NUCB2: variants seen among roughly 807,000 people sequenced by gnomAD.
The protein encoded by NUCB2 is nucleobindin 2.
In NUCB2, 48 loss-of-function variants were observed where a neutral mutation model predicts 57.9. The observed-to-expected ratio is 0.83, with a 90% CI of 0.66 to 1.05. The LOEUF is 1.05. Among genes scored for constraint, NUCB2 ranks in the 50% least tolerant of loss-of-function variants. NUCB2 has a pLI of 0.00. For synonymous variants in NUCB2, 139 were observed against 152.1 expected (o/e 0.91, Z 0.64); for missense variants, 442 against 476.2 (o/e 0.93, Z 0.67).
At chr11:17,341,130 G>A (rs542347099) in intron 2 of NUCB2, among the ~76,000 whole-genome samples, 6 of 152,278 alleles carry the variant, frequency 3.9e-5, no homozygotes, top group African/African-American at 9.6e-5. Flanking sequence ...TGTTATTGGT[G>A]TATAAGAATG....
rs537976737 is a variant in NUCB2 at position 17,348,315 on chromosome 11, T to G, written n.2627-1030T>G. Among the ~76,000 whole-genome samples, 46 of 127,076 alleles carry G rather than the reference T, an allele frequency of 3.6e-4. 1 individual carries two copies. In the South Asian group the frequency reaches 0.011, roughly 31 times the overall value. 83.4% of individuals were successfully genotyped at this position (127,076 alleles called of 152,430 possible). A position where few individuals can be genotyped will look rare whatever the true frequency, so the allele number is the denominator to read the frequency against. ...AGAATGAGGTGTTTTTTGTTTGTTT[T>G]TGTGTTTTTTTTTTTTTTTTTTTTT... On this transcript the variant is annotated intron_variant and non_coding_transcript_variant, in intron 2 of 2. Coordinates refer to the NUCB2 transcript ENST00000532240.
chr11:17,322,345 G>C (rs1950135348), intron 11 of NUCB2, among the ~76,000 whole-genome samples: 1 of 152,150 alleles, frequency 6.6e-6, no homozygotes, highest in African/African-American at 2.4e-5. Flanking sequence ...TTATTGAAGA[G>C]ATTGTATTTT....
intron 11 of NUCB2, among the ~76,000 whole-genome samples, chr11:17,324,492 G>T (rs895232907): frequency 1.3e-5 from 2 of 152,038 alleles, no homozygotes; most frequent in Non-Finnish European, 2.9e-5. Flanking sequence ...AGAGGGCAGT[G>T]GCACTATGTC....
rs1948384984 is a variant in NUCB2, at chr11:17,310,867, G to A, written c.526G>A (p.Glu176Lys). ...LEHYDKTRHE[E>K]FKKYEMMKEH... Reference sequence around the variant, plus strand: ...ACACTATGACAAGACTCGTCATGAAGAATTTAAAAAATATGAAATGATGAA... The same window carrying A: ...ACACTATGACAAGACTCGTCATGAAAAATTTAAAAAATATGAAATGATGAA... Residue 176 changes from glutamate to lysine, a missense_variant, in exon 7 of 14, where the codon GAA (glutamate) becomes AAA (lysine). Coordinates refer to ENST00000529010, the MANE Select transcript of NUCB2 (RefSeq NM_005013.4). 12 of 1,592,002 alleles carry A rather than the reference G, an allele frequency of 7.5e-6. No homozygotes were observed. In the East Asian group the frequency reaches 9.0e-5, roughly 12 times the overall value.
chr11:17,340,753 C>A (rs1450109410), intron 2 of NUCB2, among the ~76,000 whole-genome samples: 5 of 152,028 alleles, frequency 3.3e-5, no homozygotes, highest in Admixed American at 1.3e-4. Context: ...GTTACTGTAG[C>A]CTGATGCCTC....
In NUCB2 at chr11:17,330,782, A is replaced by G; in HGVS notation, c.1174-120A>G. 1 of 724,984 alleles carries G rather than the reference A, an allele frequency of 1.4e-6. No homozygotes were observed. The highest frequency in any genetic ancestry group is 2.5e-6 in the Non-Finnish European group (1 of 407,774). The allele number at this position is 724,984 out of a possible 1,614,324, so 44.9% of individuals were successfully genotyped here. ...CTGCACCTAGTCAAATCTAAATCTT[A>G]TAGTTTGAATATCTTTGTTTTAGAA... On this transcript the variant is annotated intron_variant, in intron 12 of 13. Transcript: ENST00000529010. The surrounding 1 kb of genome is among the most constrained non-coding windows in gnomAD (Gnocchi z 4.3).
chr11:17,311,835 A>T, intron 8 of NUCB2, 37 bp from the exon 9 acceptor site: 1 of 1,349,902 alleles, frequency 7.4e-7, no homozygotes, highest in Non-Finnish European at 1.0e-6. Context: ...CTAAGTTATT[A>T]AAATCTATTT....
rs79041721 is a variant in NUCB2, at chr11:17,292,429, C to T, written c.1-2895C>T. On this transcript the variant is annotated intron_variant, in intron 2 of 13. Coordinates refer to ENST00000529010, the MANE Select transcript of NUCB2 (RefSeq NM_005013.4). Reference sequence around the variant, plus strand: ...ATAGAGCAAAGGGAGGCAGTATGTTCTAGGGCAGTGGTTTTCAAATGTTGG... The same window carrying T: ...ATAGAGCAAAGGGAGGCAGTATGTTTTAGGGCAGTGGTTTTCAAATGTTGG... Among the ~76,000 whole-genome samples the T allele has an allele frequency of 2.6e-5, 4 of 152,302 alleles. No individual in the cohort carries two copies. The East Asian group carries it at 7.7e-4, about 29-fold the overall frequency.
chr11:17,348,865 C>T (rs1251118239), intron 2 of NUCB2, among the ~76,000 whole-genome samples: 10 of 151,932 alleles, frequency 6.6e-5, no homozygotes, highest in Middle Eastern at 3.2e-3. Flanking sequence ...CTGCAACCTC[C>T]GCTTCCCGGG....
downstream of NUCB2, among the ~76,000 whole-genome samples, chr11:17,336,753 CAAAAAAAAAAAAAAAAA>C (rs71047542): frequency 6.3e-5 from 3 of 47,418 alleles, no homozygotes; most frequent in Admixed American, 4.1e-4. Flanking sequence ...GACTCCGTCT[CAAAAAAAAAAAAAAAAA>C]AAAAAAAAAA....
chr11:17,328,473 A>G (rs1950970754), intron 11 of NUCB2, among the ~76,000 whole-genome samples: 1 of 152,076 alleles, frequency 6.6e-6, no homozygotes, highest in African/African-American at 2.4e-5. Flanking sequence ...AATTTACCTG[A>G]TGTTCAGTTT....
exon 3 of NUCB2, chr11:17,349,941 C>T (rs190164627): frequency 6.6e-6 from 1 of 152,258 alleles, no homozygotes; most frequent in East Asian, 1.9e-4. Context: ...ATGCTGTGCA[C>T]CAATAAAGAA....
chr11:17,285,848 T>C (rs1943635729), intron 2 of NUCB2, among the ~76,000 whole-genome samples: 1 of 151,172 alleles, frequency 6.6e-6, no homozygotes, highest in African/African-American at 2.4e-5. Context: ...TGGTTATCTA[T>C]GGTAATTTTT....
At chr11:17,342,895 C>G (rs1190160308) in intron 2 of NUCB2, among the ~76,000 whole-genome samples, 1 of 152,084 alleles carries the variant, frequency 6.6e-6, no homozygotes, top group Non-Finnish European at 1.5e-5. Flanking sequence ...GTTGATCTGT[C>G]TAATGTTGAC....
chr11:17,311,923 C>A lies in NUCB2; in HGVS notation c.812C>A (p.Thr271Asn). The change falls in exon 9 of 14, where the codon ACT becomes AAT. Residue 271 changes from threonine to asparagine, a missense_variant. Transcript: ENST00000529010. ...LDEQELEALFTKELEKVYDPK... is the reference protein window; with the variant it reads ...LDEQELEALFNKELEKVYDPK... ...GAACAAGAATTAGAAGCCCTATTTACTAAAGAGGTAAAGGAGTTTATTAAG... is the reference window on the plus strand; with the variant it reads ...GAACAAGAATTAGAAGCCCTATTTAATAAAGAGGTAAAGGAGTTTATTAAG... The A allele has an allele frequency of 6.3e-7, 1 of 1,592,002 alleles. No homozygotes were observed. Among genetic ancestry groups the A allele is most frequent in the Non-Finnish European group, 8.6e-7 (1 of 1,164,578 alleles).
chr11:17,297,060 A>T (rs1945934110), intron 4 of NUCB2, among the ~76,000 whole-genome samples: 1 of 152,204 alleles, frequency 6.6e-6, no homozygotes. Context: ...AAGATCTGAC[A>T]TGAGAGATTC....
At chr11:17,347,897 T>A (rs984440551) in intron 2 of NUCB2, among the ~76,000 whole-genome samples, 2 of 152,190 alleles carry the variant, frequency 1.3e-5, no homozygotes, top group African/African-American at 4.8e-5. Context: ...GGCTGTTACC[T>A]AATGGTGAGA....
intron 5 of NUCB2, among the ~76,000 whole-genome samples, chr11:17,304,924 C>T (rs1226468095): frequency 6.6e-6 from 1 of 152,218 alleles, no homozygotes; most frequent in African/African-American, 2.4e-5. Context: ...ATAAACATGT[C>T]AGTTTTCTCT....
rs775210446 is a variant in NUCB2, at chr11:17,315,392, A to G, written c.919A>G (p.Thr307Ala). The G allele has an allele frequency of 2.8e-5, 45 of 1,594,658 alleles. No homozygotes were observed. The South Asian group carries it at 4.1e-4, about 15-fold the overall frequency. ...MREHVMNEVD[T>A]NKDRLVTLEE... ...TACATTTTGTTTTAATCAGGTTGATACTAACAAAGACAGATTGGTGACTCT... is the reference window on the plus strand; with the variant it reads ...TACATTTTGTTTTAATCAGGTTGATGCTAACAAAGACAGATTGGTGACTCT... Residue 307 changes from threonine (T) to alanine (A), a missense_variant, in exon 11 of 14, where the codon ACT (threonine) becomes GCT (alanine). Transcript: ENST00000529010.
Sources: allele counts gnomAD v4.1 joint callset (sites outside exome capture counted in the v4.1 genomes callset), GRCh38; gene constraint gnomAD v4.1.1; non-coding constraint Gnocchi (gnomAD v3.1); transcripts MANE v1.5; gene names NCBI Gene and HGNC (gene_info 2026-07-23, HGNC 2026-07-21).